The following GUCY2F variants were observed in gnomAD, a reference collection of about 807,000 sequenced individuals.
The protein encoded by GUCY2F is guanylate cyclase 2F, retinal, also known as retinal guanylyl cyclase 2.
Under a neutral mutation model 73.1 loss-of-function variants are expected in GUCY2F, and 61 were observed. That is an observed-to-expected ratio of 0.83 (90% CI 0.68 to 1.03). The LOEUF (loss-of-function observed/expected upper bound fraction) is 1.03. GUCY2F is among the 50% of genes least tolerant of loss of function. The pLI is 0.00. For missense variants in GUCY2F, 912 were observed against 854.3 expected, an observed-to-expected ratio of 1.07 and a Z score of -0.84; for synonymous variants, 331 against 307.8, an observed-to-expected ratio of 1.08 and a Z score of -0.79.
At chrX:109,377,138 T>C (rs1930198658) in intron 17 of GUCY2F, among the ~76,000 whole-genome samples, 1 of 111,715 alleles carries the variant, frequency 9.0e-6, no homozygotes, top group African/African-American at 3.3e-5. Flanking sequence ...TTAACAATAA[T>C]GACAAAAACC....
chrX:109,434,931 A>G (rs1368615619), intron 7 of GUCY2F, among the ~76,000 whole-genome samples: 1 of 110,065 alleles, frequency 9.1e-6, no homozygotes, highest in African/African-American at 3.4e-5. Context: ...AAGATCAGAT[A>G]GTTGTAGATA....
At chrX:109,419,606 G>A (rs974235138) in intron 8 of GUCY2F, among the ~76,000 whole-genome samples, 2 of 110,270 alleles carry the variant, frequency 1.8e-5, no homozygotes, top group Admixed American at 1.9e-4. Flanking sequence ...AGGCAAAGAT[G>A]TCTGCTCTTA....
intron 3 of GUCY2F, among the ~76,000 whole-genome samples, chrX:109,458,299 T>C (rs938067762): frequency 8.9e-6 from 1 of 111,915 alleles, no homozygotes; most frequent in Non-Finnish European, 1.9e-5. Context: ...CAGACTTGGG[T>C]TGGAATCCCA....
At chrX:109,419,019 T>C (rs1441218914) in intron 8 of GUCY2F, among the ~76,000 whole-genome samples, 1 of 110,713 alleles carries the variant, frequency 9.0e-6, no homozygotes, top group African/African-American at 3.3e-5. Flanking sequence ...AAAACACAAC[T>C]GATTAAACTT....
rs199945213 is a variant in GUCY2F at position 109,475,188 on chromosome X, A to G, written c.730+19T>C. 5.1e-6 allele frequency: 6 copies of G among 1,181,358 alleles called. No individual in the cohort carries two copies. The highest frequency in any genetic ancestry group is 6.8e-6 in the Non-Finnish European group (6 of 878,734). ...TTCCCTGAAGTCACGTTTAAATTTC[A>G]GCGGGAGAAAGCACTCACTGCGAAT... is the stretch of plus-strand genomic sequence containing the variant. On this transcript the variant is annotated intron_variant, in intron 2 of 19. Coordinates refer to ENST00000218006, the MANE Select transcript of GUCY2F (RefSeq NM_001522.3).
intron 8 of GUCY2F, among the ~76,000 whole-genome samples, chrX:109,425,504 C>T (rs1388331685): frequency 9.1e-6 from 1 of 109,481 alleles, no homozygotes; most frequent in Non-Finnish European, 1.9e-5. Context: ...TTTACAGCAA[C>T]CTGGATGGAA....
intron 3 of GUCY2F, among the ~76,000 whole-genome samples, chrX:109,463,727 A>G (rs6655221): frequency 0.036 from 4,046 of 111,257 alleles, 160 homozygotes; most frequent in African/African-American, 0.12. Context: ...GTGAGCCACC[A>G]TGCCCGGCCG....
intron 12 of GUCY2F, among the ~76,000 whole-genome samples, chrX:109,393,672 G>T (rs905648625): frequency 2.7e-5 from 3 of 111,478 alleles, no homozygotes; most frequent in Admixed American, 9.5e-5. Context: ...AACTGATTTT[G>T]CCCCCATTCT....
chrX:109,391,349 G>C (rs1930555792), intron 14 of GUCY2F, among the ~76,000 whole-genome samples: 1 of 111,115 alleles, frequency 9.0e-6, no homozygotes, highest in South Asian at 3.8e-4. Context: ...AGACCAATAG[G>C]CAGCTTTTCG....
intron 10 of GUCY2F, among the ~76,000 whole-genome samples, chrX:109,401,996 A>T (rs958293665): frequency 9.0e-6 from 1 of 111,716 alleles, no homozygotes; most frequent in African/African-American, 3.3e-5. Flanking sequence ...AGCAAGTTCC[A>T]GGCCATGCAG....
At chrX:109,445,707 C>T (rs1480741592) in intron 6 of GUCY2F, among the ~76,000 whole-genome samples, 23 of 111,432 alleles carry the variant, frequency 2.1e-4, no homozygotes, top group South Asian at 3.7e-4. Flanking sequence ...CCTTTGAAAA[C>T]GGGCACAAGA....
intron 17 of GUCY2F, among the ~76,000 whole-genome samples, chrX:109,377,866 T>C (rs1930214375): frequency 9.0e-6 from 1 of 111,059 alleles, no homozygotes; most frequent in African/African-American, 3.3e-5. Context: ...GATAGAAGTG[T>C]TATGGACTCA....
chrX:109,473,027 G>A (rs1932607163), intron 2 of GUCY2F, among the ~76,000 whole-genome samples: 1 of 111,423 alleles, frequency 9.0e-6, no homozygotes, highest in Non-Finnish European at 1.9e-5. Flanking sequence ...TCAGGCCACA[G>A]CCCAACCAAT....
rs774664047 is a variant in GUCY2F, at chrX:109,397,153, A to T, written c.2275+1396T>A. On this transcript the variant is annotated intron_variant, in intron 11 of 19. Coordinates refer to ENST00000218006, the MANE Select transcript of GUCY2F (RefSeq NM_001522.3). ...AGGCAAGATTGGGAGGAGGTGGAAA[A>T]ATTCCACCTCCTAGTATGTGAAAAG... Among the ~76,000 whole-genome samples the T allele has an allele frequency of 2.1e-4, 23 of 111,449 alleles. No individual in the cohort carries two copies. In the South Asian group the frequency reaches 8.1e-3, roughly 39 times the overall value.
chrX:109,452,705 G>T (rs1932160398), intron 4 of GUCY2F, among the ~76,000 whole-genome samples: 1 of 111,895 alleles, frequency 8.9e-6, no homozygotes. Flanking sequence ...GGTATATCAT[G>T]TTAAAGCAAA....
At chrX:109,417,056 C>T (rs1472001021) in intron 8 of GUCY2F, among the ~76,000 whole-genome samples, 7 of 109,292 alleles carry the variant, frequency 6.4e-5, no homozygotes, top group Non-Finnish European at 1.2e-4. Flanking sequence ...ATCAAATAGA[C>T]GAAAACTGAG....
chrX:109,439,538 G>GT (rs373834899), intron 7 of GUCY2F, among the ~76,000 whole-genome samples: 2,719 of 104,212 alleles, frequency 0.026, 94 homozygotes, highest in African/African-American at 0.088. Context: ...CGATTCCCTT[G>GT]TTTTTTTTTT....
At chrX:109,451,888 A>G (rs1040915440) in intron 5 of GUCY2F, 135 bp downstream of exon 5, 2 of 459,414 alleles carry the variant, frequency 4.4e-6, no homozygotes, top group African/African-American at 4.9e-5. Context: ...GGAATGGTAA[A>G]CCACTGTGGA....
At position 109,404,329 on chromosome X, in the gene GUCY2F, T is replaced by G. The variant is rs780290784; in HGVS notation, c.2124A>C (p.Glu708Asp). The change falls in exon 10 of 20, where the codon GAA becomes GAC. Residue 708 changes from glutamate (E) to aspartate (D), a missense_variant and splice_region_variant. By Grantham distance (45) the Glu-to-Asp change is conservative. Transcript: ENST00000218006. ...LRLSEEESSM[E>D]ELLWTAPELL... The stretch of plus-strand genomic sequence containing the variant: ...AGAAGGGTACAATTCATTGCTTACC[T>G]TCCATAGAAGATTCCTCTTCAGAGA... 95 of 1,187,551 alleles carry G rather than the reference T, an allele frequency of 8.0e-5. No individual in the cohort carries two copies. Among genetic ancestry groups the G allele is most frequent in the Non-Finnish European group, 1.0e-4 (92 of 876,906 alleles).
Sources: gnomAD v4.1 joint callset for allele counts (sites outside exome capture counted in the v4.1 genomes callset) on GRCh38, gnomAD v4.1.1 for gene constraint, MANE v1.5 for transcripts, NCBI Gene and HGNC (gene_info 2026-07-23, HGNC 2026-07-21) for gene names.